The following SOX6 variants were observed in gnomAD, a reference collection of about 807,000 sequenced individuals.
The protein encoded by SOX6 is SRY-box transcription factor 6, also known as transcription factor SOX-6.
A neutral mutation model predicts 97.8 loss-of-function variants in SOX6; 11 were observed. That is an observed-to-expected ratio of 0.11 (90% CI 0.07 to 0.19). The LOEUF (loss-of-function observed/expected upper bound fraction) is 0.19. Ranked by LOEUF, SOX6 falls within the 10% of genes least tolerant of loss-of-function variation. The pLI is 1.00. For missense variants in SOX6, 810 were observed against 1,039.5 expected (o/e 0.78, Z 3.04); for synonymous variants, 360 against 371.4 (o/e 0.97, Z 0.35).
chr11:16,214,522 A>T (rs933285005), intron 4 of SOX6, among the ~76,000 whole-genome samples: 14 of 152,068 alleles, frequency 9.2e-5, no homozygotes, highest in African/African-American at 3.4e-4. Context: ...ACATTCTTGG[A>T]CCTCTCTGAT....
intron 6 of SOX6, among the ~76,000 whole-genome samples, chr11:16,177,199 T>C (rs2134092520): frequency 6.6e-6 from 1 of 152,044 alleles, no homozygotes; most frequent in East Asian, 1.9e-4. Context: ...TATGATAAAC[T>C]TACTATATTG....
At chr11:16,345,373 T>C (rs901497035) in intron 1 of SOX6, among the ~76,000 whole-genome samples, 2 of 152,016 alleles carry the variant, frequency 1.3e-5, no homozygotes, top group African/African-American at 2.4e-5. Context: ...GAGTTTAAAA[T>C]GTCTCTGCCC....
intron 3 of SOX6, among the ~76,000 whole-genome samples, chr11:16,289,287 G>C (rs1854838553): frequency 1.3e-5 from 2 of 151,896 alleles, no homozygotes; most frequent in Admixed American, 6.6e-5. Context: ...TGTATGAATA[G>C]AAATCAAGGT....
At chr11:16,525,794 C>T (rs949897147) in intron 4 of SOX6, among the ~76,000 whole-genome samples, 2 of 151,976 alleles carry the variant, frequency 1.3e-5, no homozygotes, top group African/African-American at 4.8e-5. Context: ...AAGAAAAAAA[C>T]AAACAACCCC....
intron 6 of SOX6, among the ~76,000 whole-genome samples, chr11:16,145,784 C>A (rs1279723378): frequency 2.0e-5 from 3 of 152,230 alleles, no homozygotes; most frequent in African/African-American, 4.8e-5. Flanking sequence ...CCTAGGAATC[C>A]AACTTACAAG....
intron 10 of SOX6, among the ~76,000 whole-genome samples, chr11:16,054,988 T>C (rs746130284): frequency 1.3e-5 from 2 of 152,150 alleles, no homozygotes; most frequent in Non-Finnish European, 2.9e-5. Flanking sequence ...AAGACATCTA[T>C]TAATGTCCCA....
At chr11:16,455,981 T>C (rs1340973611) in intron 1 of SOX6, among the ~76,000 whole-genome samples, 2 of 152,046 alleles carry the variant, frequency 1.3e-5, no homozygotes, top group African/African-American at 4.8e-5. Context: ...TTTTAATGAA[T>C]GGGCAACTAA....
At chr11:16,045,264 G>C (rs1458520391) in intron 12 of SOX6, among the ~76,000 whole-genome samples, 1 of 152,060 alleles carries the variant, frequency 6.6e-6, no homozygotes, top group Non-Finnish European at 1.5e-5. Context: ...AATCTGCAAT[G>C]TGATGGTCAC....
chr11:16,030,564 T>C (rs1462642418), intron 12 of SOX6, among the ~76,000 whole-genome samples: 2 of 152,150 alleles, frequency 1.3e-5, no homozygotes, highest in African/African-American at 4.8e-5. Context: ...TAAAATTATA[T>C]AAACTTGAGG....
intron 1 of SOX6, among the ~76,000 whole-genome samples, chr11:16,457,829 A>C (rs1386819245): frequency 1.3e-5 from 2 of 152,054 alleles, no homozygotes; most frequent in Non-Finnish European, 2.9e-5. Flanking sequence ...CAATGGTTGA[A>C]GTTATACTGA....
intron 6 of SOX6, among the ~76,000 whole-genome samples, chr11:16,124,681 C>G (rs1434010618): frequency 2.6e-5 from 4 of 151,994 alleles, no homozygotes; most frequent in Non-Finnish European, 4.4e-5. Context: ...AGGTGGAGAT[C>G]AGGTTATTTA....
intron 11 of SOX6, among the ~76,000 whole-genome samples, chr11:16,049,239 A>T (rs1366282507): frequency 2.0e-5 from 3 of 152,148 alleles, no homozygotes; most frequent in African/African-American, 4.8e-5. Context: ...ATACTTGGCC[A>T]TATATGGGGG....
At chr11:16,491,722 G>C (rs146814154) in intron 4 of SOX6, among the ~76,000 whole-genome samples, 14 of 152,224 alleles carry the variant, frequency 9.2e-5, no homozygotes, top group Admixed American at 9.2e-4. Flanking sequence ...CTTTGGAACA[G>C]ACTAGAGAGC....
chr11:16,062,734 G>A (rs531511331), intron 9 of SOX6, among the ~76,000 whole-genome samples: 1 of 151,714 alleles, frequency 6.6e-6, no homozygotes, highest in Admixed American at 6.6e-5. Flanking sequence ...TTTTATAAAA[G>A]CACTTTAAGA....
chr11:16,544,716 T>A (rs1847596338), intron 4 of SOX6, among the ~76,000 whole-genome samples: 1 of 152,136 alleles, frequency 6.6e-6, no homozygotes, highest in African/African-American at 2.4e-5. Flanking sequence ...CACAATAATT[T>A]TTAAACTTTT....
At chr11:16,714,514 G>A (rs573188831) in intron 3 of SOX6, among the ~76,000 whole-genome samples, 4 of 141,348 alleles carry the variant, frequency 2.8e-5, no homozygotes, top group East Asian at 2.1e-4. Context: ...ATGCAGTGGC[G>A]CATCTCGGCT....
At chr11:16,155,739 T>C (rs367640803) in intron 6 of SOX6, among the ~76,000 whole-genome samples, 1 of 152,252 alleles carries the variant, frequency 6.6e-6, no homozygotes, top group South Asian at 2.1e-4. Context: ...AAAGTCTCTA[T>C]TGCTTTCCCA....
Position 16,562,914 on chromosome 11 carries a change from C to T in SOX6, n.609+49167G>A, listed in dbSNP as rs149731699. Among the ~76,000 whole-genome samples the T allele has an allele frequency of 8.0e-3, 1,217 of 152,246 alleles. 14 individuals are homozygous for T. The highest frequency in any genetic ancestry group is 0.028 in the African/African-American group (1,162 of 41,536). On this transcript the variant is annotated intron_variant and non_coding_transcript_variant, in intron 4 of 5. Transcript: ENST00000524520. ...AACTTCCATATCCATCTAGCAGTAA[C>T]AAGGTAGCAGCCTCCCTTCCCTTAC...
chr11:16,075,330 A>C (rs1848328343), intron 9 of SOX6, among the ~76,000 whole-genome samples: 1 of 152,226 alleles, frequency 6.6e-6, no homozygotes, highest in Admixed American at 6.5e-5. Context: ...CACATCTTAC[A>C]TAGTGGCAGG....
Sources: allele counts gnomAD v4.1 joint callset (sites outside exome capture counted in the v4.1 genomes callset), GRCh38; gene constraint gnomAD v4.1.1; transcripts MANE v1.5; gene names NCBI Gene and HGNC (gene_info 2026-07-23, HGNC 2026-07-21).